CPQ: variants seen among roughly 807,000 people sequenced by gnomAD.
The protein encoded by CPQ is carboxypeptidase Q.
In CPQ, 37 loss-of-function variants were observed where a neutral mutation model predicts 45.7. The ratio of observed to expected loss-of-function variants is 0.81; its 90% CI spans 0.62 to 1.07. The LOEUF (loss-of-function observed/expected upper bound fraction) is 1.07, where lower values mean the gene tolerates loss of function less well. Among genes scored for constraint, CPQ ranks in the 50% least tolerant of loss-of-function variants. CPQ has a pLI of 0.00. For missense variants in CPQ, 537 were observed against 572.9 expected (o/e 0.94, Z 0.64); for synonymous variants, 186 against 205.8 (o/e 0.90, Z 0.82).
At chr8:96,777,885 C>T (rs944868318) in intron 1 of CPQ, among the ~76,000 whole-genome samples, 30 of 146,516 alleles carry the variant, frequency 2.0e-4, no homozygotes, top group East Asian at 1.4e-3. Flanking sequence ...CCCTCCACCA[C>T]GCCCAGCTAA....
At chr8:96,794,477 C>T (rs961223995) in intron 2 of CPQ, among the ~76,000 whole-genome samples, 10 of 152,176 alleles carry the variant, frequency 6.6e-5, no homozygotes, top group Non-Finnish European at 1.5e-4. Context: ...TCCTCCTAGG[C>T]CTTCAGGCCT....
intron 1 of CPQ, among the ~76,000 whole-genome samples, chr8:96,686,489 GTAAAT>G (rs1472539605): frequency 6.6e-6 from 1 of 151,736 alleles, no homozygotes; most frequent in Non-Finnish European, 1.5e-5. Context: ...TATTAACATG[GTAAAT>G]TATATTAATA....
intron 6 of CPQ, among the ~76,000 whole-genome samples, chr8:97,043,196 A>C (rs929656073): frequency 2.0e-5 from 3 of 152,132 alleles, no homozygotes; most frequent in Non-Finnish European, 4.4e-5. Context: ...TATATTTAGG[A>C]TAGTTAGCTC....
In CPQ at chr8:96,784,399, T is replaced by TGGG. The variant is rs148121237; in HGVS notation, c.-34-457_-34-455dup. ...TGAAGAAGCAATTATTGTTCTGAGG[T>TGGG]GGGGGGGGGGTTGGTAAAATTATCA... On this transcript the variant is annotated intron_variant, in intron 1 of 7. Transcript: ENST00000220763. Among the ~76,000 whole-genome samples, 486 of 128,190 alleles carry TGGG rather than the reference T, an allele frequency of 3.8e-3. 3 individuals are homozygous for TGGG. Among genetic ancestry groups the TGGG allele is most frequent in the African/African-American group, 0.011 (384 of 34,322 alleles). The allele number at this position is 128,190 out of a possible 152,430, so 84.1% of individuals were successfully genotyped here.
chr8:96,947,911 A>C (rs1179412023), intron 4 of CPQ, among the ~76,000 whole-genome samples: 2 of 152,136 alleles, frequency 1.3e-5, no homozygotes, highest in Non-Finnish European at 2.9e-5. Context: ...TCAAAATTTC[A>C]GATAACCTCA....
chr8:96,902,164 A>C (rs1238853382), intron 4 of CPQ, among the ~76,000 whole-genome samples: 2 of 152,148 alleles, frequency 1.3e-5, no homozygotes, highest in South Asian at 4.1e-4. Flanking sequence ...CAGGAATCTA[A>C]TTAGGAGACT....
At chr8:96,924,156 T>G (rs919164596) in intron 4 of CPQ, among the ~76,000 whole-genome samples, 1 of 152,150 alleles carries the variant, frequency 6.6e-6, no homozygotes, top group African/African-American at 2.4e-5. Context: ...ATGCAGAGGT[T>G]TTGGTTGGGG....
At chr8:96,748,502 T>A (rs1810218150) in intron 1 of CPQ, among the ~76,000 whole-genome samples, 1 of 152,112 alleles carries the variant, frequency 6.6e-6, no homozygotes, top group Non-Finnish European at 1.5e-5. Flanking sequence ...CTGGTACAAT[T>A]TTATTCATAG....
intron 3 of CPQ, among the ~76,000 whole-genome samples, chr8:96,863,057 C>G (rs758092798): frequency 6.6e-6 from 1 of 152,080 alleles, no homozygotes; most frequent in Non-Finnish European, 1.5e-5. Context: ...GAATGAACTA[C>G]CTTGTTGAAG....
intron 6 of CPQ, among the ~76,000 whole-genome samples, chr8:97,057,531 C>T: frequency 6.6e-6 from 1 of 152,296 alleles, no homozygotes; most frequent in Non-Finnish European, 1.5e-5. Context: ...CTCACATTGG[C>T]AGCCACAAGC....
intron 1 of CPQ, among the ~76,000 whole-genome samples, chr8:96,689,749 A>G (rs7835826): frequency 0.024 from 3,694 of 152,184 alleles, 167 homozygotes; most frequent in African/African-American, 0.084. Context: ...AGTTGTACAT[A>G]TGCTTGATTT....
chr8:96,655,093 T>A lies in CPQ; in HGVS notation c.-35+9691T>A, dbSNP rs1185761908. 2.0e-5 allele frequency among the ~76,000 whole-genome samples: 3 copies of A among 152,284 alleles called. No individual in the cohort carries two copies. In the East Asian group the frequency reaches 5.8e-4, roughly 29 times the overall value. On this transcript the variant is annotated intron_variant, in intron 1 of 7. Transcript: ENST00000220763. ...TTGTTTGTTTTATTTAAGATCATCT[T>A]GGTGATTTTTTTTAATTCCCTATGA... is the stretch of plus-strand genomic sequence containing the variant.
chr8:96,720,959 GT>G lies in CPQ; in HGVS notation c.-34-63893del, dbSNP rs566212558. On this transcript the variant is annotated intron_variant, in intron 1 of 7. Transcript: ENST00000220763. ...CCAAAGATTAATAAGGTGTTCATGG[GT>G]TTTTTTTTTTTCTTCCCTGGCTGTG... 7.1e-3 allele frequency among the ~76,000 whole-genome samples: 1,025 copies of G among 145,032 alleles called. 6 individuals are homozygous for G. Among genetic ancestry groups the G allele is most frequent in the African/African-American group, 0.019 (761 of 39,808 alleles).
At chr8:97,110,793 G>A (rs1166326541) in intron 7 of CPQ, among the ~76,000 whole-genome samples, 3 of 152,106 alleles carry the variant, frequency 2.0e-5, no homozygotes, top group Non-Finnish European at 4.4e-5. Flanking sequence ...AATTTGTACA[G>A]AATAGGATAA....
intron 6 of CPQ, among the ~76,000 whole-genome samples, chr8:97,042,097 TG>T (rs1266432485): frequency 6.6e-6 from 1 of 152,256 alleles, no homozygotes; most frequent in African/African-American, 2.4e-5. Flanking sequence ...AGAATTCAGC[TG>T]TGAATCCATC....
At chr8:97,124,225 CAAA>C (rs34933920) in intron 7 of CPQ, among the ~76,000 whole-genome samples, 202 of 42,556 alleles carry the variant, frequency 4.7e-3, no homozygotes, top group East Asian at 0.011. Context: ...GACTCCGTCT[CAAA>C]AAAAAAAAAA....
intron 5 of CPQ, among the ~76,000 whole-genome samples, chr8:96,994,480 T>C (rs545349734): frequency 6.6e-6 from 1 of 152,098 alleles, no homozygotes; most frequent in Non-Finnish European, 1.5e-5. Flanking sequence ...CTCAAAAGAG[T>C]AATAATAGTT....
chr8:96,719,423 TC>T (rs1809732961), intron 1 of CPQ, among the ~76,000 whole-genome samples: 1 of 152,180 alleles, frequency 6.6e-6, no homozygotes, highest in Non-Finnish European at 1.5e-5. Flanking sequence ...CTCCAGCTGT[TC>T]CGCAAGCACC....
intron 1 of CPQ, among the ~76,000 whole-genome samples, chr8:96,669,185 C>T (rs777356676): frequency 1.4e-4 from 21 of 152,176 alleles, no homozygotes; most frequent in East Asian, 1.9e-4. Context: ...GTGATGTCAG[C>T]GGGGATCTTG....
Sources: allele counts gnomAD v4.1 joint callset (sites outside exome capture counted in the v4.1 genomes callset), GRCh38; gene constraint gnomAD v4.1.1; transcripts MANE v1.5; gene names NCBI Gene and HGNC (gene_info 2026-07-23, HGNC 2026-07-21).